The following FARSB variants were observed in gnomAD, a reference collection of about 807,000 sequenced individuals.
The protein encoded by FARSB is phenylalanyl-tRNA synthetase subunit beta.
In FARSB, 40 loss-of-function variants were observed where a neutral mutation model predicts 69.6. The ratio of observed to expected loss-of-function variants is 0.57; its 90% CI spans 0.45 to 0.75. The LOEUF (loss-of-function observed/expected upper bound fraction) is 0.75, where lower values mean the gene tolerates loss of function less well. Ranked by LOEUF, FARSB falls within the 30% of genes least tolerant of loss-of-function variation. FARSB has a pLI of 0.00. For missense variants in FARSB, 632 were observed against 722.9 expected, an observed-to-expected ratio of 0.87 and a Z score of 1.44; for synonymous variants, 235 against 247.2, an observed-to-expected ratio of 0.95 and a Z score of 0.46.
chr2:222,593,473 G>A (rs1256659221), intron 16 of FARSB, among the ~76,000 whole-genome samples: 1 of 152,152 alleles, frequency 6.6e-6, no homozygotes, highest in African/African-American at 2.4e-5. Flanking sequence ...ACTGCCTTGT[G>A]GCTGATCTTT....
At chr2:222,653,432 A>AAAAAAAGAGGAAGACTGGGGG (rs1559220657) in intron 1 of FARSB, among the ~76,000 whole-genome samples, 1 of 144,196 alleles carries the variant, frequency 6.9e-6, no homozygotes, top group Non-Finnish European at 1.5e-5. Context: ...AAGACTGGGG[A>AAAAAAAGAGGAAGACTGGGGG]AAAAAAAAAA....
chr2:222,651,722 C>A (rs1692043122), intron 1 of FARSB, among the ~76,000 whole-genome samples: 1 of 152,164 alleles, frequency 6.6e-6, no homozygotes, highest in African/African-American at 2.4e-5. Context: ...AAAGACCTTC[C>A]AAGTTTTTAG....
chr2:222,632,280 A>G (rs1189427424), intron 7 of FARSB, among the ~76,000 whole-genome samples: 1 of 152,270 alleles, frequency 6.6e-6, no homozygotes, highest in Non-Finnish European at 1.5e-5. Flanking sequence ...TGCTATGCCA[A>G]GCACTTAACA....
At chr2:222,653,499 CT>C (rs1465886844) in intron 1 of FARSB, among the ~76,000 whole-genome samples, 1 of 151,934 alleles carries the variant, frequency 6.6e-6, no homozygotes, top group African/African-American at 2.4e-5. Flanking sequence ...GCTGAACATG[CT>C]TTTTCAATTC....
chr2:222,625,381 A>T (rs1397729999), intron 10 of FARSB, among the ~76,000 whole-genome samples: 1 of 152,210 alleles, frequency 6.6e-6, no homozygotes, highest in Admixed American at 6.5e-5. Context: ...ATTTCTTATC[A>T]CTCATTCACT....
intron 3 of FARSB, among the ~76,000 whole-genome samples, chr2:222,641,426 C>G (rs1320462306): frequency 6.6e-6 from 1 of 152,162 alleles, no homozygotes; most frequent in East Asian, 1.9e-4. Flanking sequence ...CTAGGGAACT[C>G]TTATCATAGG....
chr2:222,604,441 C>T (rs1216217517), intron 15 of FARSB, among the ~76,000 whole-genome samples: 3 of 152,118 alleles, frequency 2.0e-5, no homozygotes, highest in Non-Finnish European at 4.4e-5. Context: ...AATAACTGCC[C>T]TTGCCATTTA....
chr2:222,576,922 ACACAC>A (rs1341074029), intron 16 of FARSB, among the ~76,000 whole-genome samples: 1 of 152,174 alleles, frequency 6.6e-6, no homozygotes, highest in Non-Finnish European at 1.5e-5. Context: ...ATAAAATGAA[ACACAC>A]ACTTATCCCA....
At chr2:222,597,845 C>A (rs1368525038) in intron 16 of FARSB, among the ~76,000 whole-genome samples, 1 of 152,120 alleles carries the variant, frequency 6.6e-6, no homozygotes. Context: ...TAAATTAATC[C>A]TTTTAAAGTA....
At position 222,643,199 on chromosome 2, in the gene FARSB, T is replaced by C. The variant is rs3816357; in HGVS notation, c.115-194A>G. On this transcript the variant is annotated intron_variant, in intron 2 of 16. Coordinates refer to ENST00000281828, the MANE Select transcript of FARSB (RefSeq NM_005687.5). ...TAATCATAGCAGACAGAAAAATACT[T>C]CAGCTTTAACTGAGTTCAGATATCT... Among the ~76,000 whole-genome samples, 9 of 152,306 alleles carry C rather than the reference T, an allele frequency of 5.9e-5. No individual in the cohort carries two copies. In the East Asian group the frequency reaches 1.7e-3, roughly 29 times the overall value.
chr2:222,567,256 A>C lies in FARSB; in HGVS notation c.*4615T>G, dbSNP rs903853305. The stretch of plus-strand genomic sequence containing the variant: ...CATTCAGTCCATAATAATATACATA[A>C]AGTTATTCAAGGCCCTAATAACATA... On this transcript the variant is annotated 3_prime_UTR_variant, in exon 17 of 17. Transcript: ENST00000281828. 2 of 152,210 alleles carry C rather than the reference A, an allele frequency of 1.3e-5. No individual in the cohort carries two copies. Among genetic ancestry groups the C allele is most frequent in the Non-Finnish European group, 1.5e-5 (1 of 68,040 alleles). 9.4% of individuals were successfully genotyped at this position (152,210 alleles called of 1,614,324 possible).
chr2:222,644,369 G>T (rs1257251029), intron 2 of FARSB: 1 of 320,300 alleles, frequency 3.1e-6, no homozygotes, highest in African/African-American at 2.2e-5. Flanking sequence ...AATGAAAAAT[G>T]AAAAACAAGA....
intron 9 of FARSB, 52 bp downstream of exon 9, chr2:222,630,061 A>G: frequency 2.7e-6 from 3 of 1,111,070 alleles, no homozygotes; most frequent in Non-Finnish European, 4.0e-6. Context: ...TTTAGCACAA[A>G]GCCTCGCCTT....
At chr2:222,630,210 A>AGATT in intron 8 of FARSB, 36 bp from the exon 9 acceptor site, 2 of 1,036,480 alleles carry the variant, frequency 1.9e-6, no homozygotes, top group Non-Finnish European at 2.9e-6. Context: ...AGTAATCTAT[A>AGATT]AATATATTCT....
At chr2:222,603,489 G>A (rs891030055) in intron 15 of FARSB, among the ~76,000 whole-genome samples, 1 of 151,566 alleles carries the variant, frequency 6.6e-6, no homozygotes, top group African/African-American at 2.4e-5. Flanking sequence ...CACATGCTAG[G>A]TATTAACTAT....
intron 1 of FARSB, among the ~76,000 whole-genome samples, chr2:222,655,430 C>T (rs1222406636): frequency 1.3e-5 from 2 of 152,174 alleles, no homozygotes; most frequent in African/African-American, 4.8e-5. Context: ...TCCTTGATGG[C>T]ATTTAACATT....
intron 10 of FARSB, among the ~76,000 whole-genome samples, chr2:222,627,732 G>A (rs926193965): frequency 3.9e-5 from 6 of 152,154 alleles, no homozygotes; most frequent in African/African-American, 1.4e-4. Flanking sequence ...TAACACTCTA[G>A]AATAAAATAT....
At chr2:222,652,500 C>T (rs536819744) in intron 1 of FARSB, among the ~76,000 whole-genome samples, 2 of 152,194 alleles carry the variant, frequency 1.3e-5, no homozygotes, top group Non-Finnish European at 2.9e-5. Flanking sequence ...CGTCTATCCT[C>T]GGCACTCTCT....
chr2:222,572,270 C>A (rs1031885629), intron 16 of FARSB, among the ~76,000 whole-genome samples: 3 of 152,008 alleles, frequency 2.0e-5, no homozygotes, highest in African/African-American at 7.2e-5. Flanking sequence ...AACAGGGACC[C>A]GAGCAGGAAG....
Sources: allele counts gnomAD v4.1 joint callset (sites outside exome capture counted in the v4.1 genomes callset), GRCh38; gene constraint gnomAD v4.1.1; transcripts MANE v1.5; gene names NCBI Gene and HGNC (gene_info 2026-07-23, HGNC 2026-07-21).